SLC35F6: variants seen among roughly 807,000 people sequenced by gnomAD.
SLC35F6 encodes the protein ANT2-binding protein.
Under a neutral mutation model 29.4 loss-of-function variants are expected in SLC35F6, and 26 were observed. The ratio of observed to expected loss-of-function variants is 0.89; its 90% CI spans 0.65 to 1.23. The LOEUF (loss-of-function observed/expected upper bound fraction) is 1.23. Ranked by LOEUF, SLC35F6 falls within the 50% of genes most tolerant of loss-of-function variation. The pLI, the probability that SLC35F6 is intolerant of heterozygous loss-of-function variation, is 0.00. For synonymous variants in SLC35F6, 174 were observed against 206.6 expected, an observed-to-expected ratio of 0.84 and a Z score of 1.35; for missense variants, 428 against 487.8, an observed-to-expected ratio of 0.88 and a Z score of 1.15.
Position 26,764,970 on chromosome 2 carries a change from G to C in SLC35F6, c.77+544G>C, listed in dbSNP as rs936891639. The C allele has an allele frequency of 6.1e-6, 6 of 985,352 alleles. No homozygotes were observed. In the Admixed American group the frequency reaches 3.1e-4, roughly 50 times the overall value. The allele number at this position is 985,352 out of a possible 1,614,324, so 61.0% of individuals were successfully genotyped here. The stretch of plus-strand genomic sequence containing the variant: ...AAGTCTACGGAAAGGCCAGATCAAA[G>C]TCGATTGTAACCAGCATCAAATGCC... On this transcript the variant is annotated intron_variant, in intron 1 of 5. Transcript: ENST00000344420.
In SLC35F6 at chr2:26,778,799, T is replaced by A; in HGVS notation, c.*288T>A. On this transcript the variant is annotated 3_prime_UTR_variant, in exon 6 of 6. Transcript: ENST00000344420. ...CTAGAGCTAAATCATGAAGTTGAAT[T>A]GTAGGAATTTACCACCGTAGTGTAT... 2 of 406,434 alleles carry A rather than the reference T, an allele frequency of 4.9e-6. No homozygotes were observed. The highest frequency in any genetic ancestry group is 4.4e-6 in the Non-Finnish European group (1 of 228,386). The allele number at this position is 406,434 out of a possible 1,614,324, so 25.2% of individuals were successfully genotyped here. A position where few individuals can be genotyped will look rare whatever the true frequency, so the allele number is the denominator to read the frequency against.
intron 1 of SLC35F6, chr2:26,764,765 C>T (rs1572629610): frequency 8.1e-6 from 8 of 983,110 alleles, no homozygotes; most frequent in Non-Finnish European, 9.7e-6. Context: ...TGGGAGAGAC[C>T]CCTGGACTTG....
chr2:26,764,858 C>T (rs1664068675), intron 1 of SLC35F6: 1 of 985,200 alleles, frequency 1.0e-6, no homozygotes, highest in Admixed American at 6.2e-5. Context: ...GGGAGGTGCC[C>T]CACGGCCCCT....
intron 1 of SLC35F6, among the ~76,000 whole-genome samples, chr2:26,768,792 G>A (rs1007989787): frequency 6.6e-6 from 1 of 150,834 alleles, no homozygotes; most frequent in Non-Finnish European, 1.5e-5. Context: ...ACAGACACCC[G>A]CCACCGTGCC....
chr2:26,764,491 C>G (rs529188865), intron 1 of SLC35F6, 65 bp downstream of exon 1: 4 of 1,529,382 alleles, frequency 2.6e-6, no homozygotes, highest in African/African-American at 1.4e-5. Context: ...ACGCCTTCCC[C>G]CTTCTTGGCC....
At chr2:26,776,270 G>A (rs1396256652) in intron 4 of SLC35F6, 102 bp from the exon 5 acceptor site, 4 of 996,938 alleles carry the variant, frequency 4.0e-6, no homozygotes, top group African/African-American at 1.6e-5. Flanking sequence ...AGGGGGCCCT[G>A]CAGAGGTCAG....
At position 26,778,116 on chromosome 2, in the gene SLC35F6, A is replaced by C. The variant is rs775716080; in HGVS notation, c.721A>C (p.Asn241His). 2 of 1,614,156 alleles carry C rather than the reference A, an allele frequency of 1.2e-6. No individual in the cohort carries two copies. The highest frequency in any genetic ancestry group is 3.3e-5 in the Admixed American group (2 of 60,018). The change falls in exon 6 of 6, where the codon AAC becomes CAC. Residue 241 changes from asparagine (N) to histidine (H), a missense_variant. Transcript: ENST00000344420. ...YYIPAGSFSG[N>H]PRGTLEDALD... The stretch of plus-strand genomic sequence containing the variant: ...CATCCCCGCCGGCTCCTTCAGCGGA[A>C]ACCCTCGTGGGACACTGGAGGATGC...
chr2:26,774,931 T>C (rs1293708893), intron 2 of SLC35F6, 113 bp from the exon 3 acceptor site: 1 of 1,246,430 alleles, frequency 8.0e-7, no homozygotes, highest in Non-Finnish European at 1.1e-6. Flanking sequence ...ATTTTACATA[T>C]TGGGGTTCTG....
At chr2:26,773,256 G>A (rs969181619) in intron 1 of SLC35F6, among the ~76,000 whole-genome samples, 2 of 151,990 alleles carry the variant, frequency 1.3e-5, no homozygotes. Context: ...ATTCCAGCAC[G>A]TTGGGAGGCT....
In SLC35F6 at chr2:26,778,722, A is replaced by G. The variant is rs889563346; in HGVS notation, c.*211A>G. ...TGCAGGGTGGTGTTACCCAGCCCCC[A>G]CAAGCCTGAGTGCAGTGGCAGACCT... On this transcript the variant is annotated 3_prime_UTR_variant, in exon 6 of 6. Coordinates refer to ENST00000344420, the MANE Select transcript of SLC35F6 (RefSeq NM_017877.4). 4.0e-5 allele frequency: 23 copies of G among 570,338 alleles called. No homozygotes were observed. Among genetic ancestry groups the G allele is most frequent in the Admixed American group, 3.5e-4 (11 of 31,852 alleles). The allele number at this position is 570,338 out of a possible 1,614,324, so 35.3% of individuals were successfully genotyped here. A position where few individuals can be genotyped will look rare whatever the true frequency, so the allele number is the denominator to read the frequency against.
chr2:26,764,311 C>T lies in SLC35F6; in HGVS notation c.-39C>T, dbSNP rs1212424706. 1.3e-5 allele frequency: 20 copies of T among 1,546,534 alleles called. No individual in the cohort carries two copies. Among genetic ancestry groups the T allele is most frequent in the Non-Finnish European group, 1.7e-5 (20 of 1,145,132 alleles). Reference sequence around the variant, plus strand: ...GCAGGAGACCCCGGGTGACGGGGCCCGGCGCCGCTAACTGGAGCGAACCCC... The same window carrying T: ...GCAGGAGACCCCGGGTGACGGGGCCTGGCGCCGCTAACTGGAGCGAACCCC... On this transcript the variant is annotated 5_prime_UTR_variant, in exon 1 of 6. Transcript: ENST00000344420.
chr2:26,767,423 A>C (rs1434332012), intron 1 of SLC35F6, among the ~76,000 whole-genome samples: 1 of 152,272 alleles, frequency 6.6e-6, no homozygotes, highest in East Asian at 1.9e-4. Flanking sequence ...GGTTCTTGGG[A>C]GGATGAAAGG....
chr2:26,770,427 A>G (rs1216027497), intron 1 of SLC35F6, among the ~76,000 whole-genome samples: 1 of 151,964 alleles, frequency 6.6e-6, no homozygotes, highest in African/African-American at 2.4e-5. Context: ...CAAAAAAACA[A>G]ACGTTGTTGG....
chr2:26,771,991 G>C (rs961432638), intron 1 of SLC35F6, among the ~76,000 whole-genome samples: 1 of 152,008 alleles, frequency 6.6e-6, no homozygotes. Flanking sequence ...CTTCTAAACA[G>C]TTCTGTCCGA....
chr2:26,771,788 T>G (rs1027950237), intron 1 of SLC35F6, among the ~76,000 whole-genome samples: 1 of 151,540 alleles, frequency 6.6e-6, no homozygotes, highest in Non-Finnish European at 1.5e-5. Context: ...GGCAACATAG[T>G]GAGACCCTCT....
At position 26,768,791 on chromosome 2, in the gene SLC35F6, C is replaced by T. The variant is rs146550367; in HGVS notation, c.77+4365C>T. 6.2e-4 allele frequency among the ~76,000 whole-genome samples: 94 copies of T among 152,002 alleles called. No individual in the cohort carries two copies. In the East Asian group the frequency reaches 7.5e-3, roughly 12 times the overall value. ...CCAAGTAGATGGGACCACAGACACC[C>T]GCCACCGTGCCCACCTAATTTTTGT... is the stretch of plus-strand genomic sequence containing the variant. On this transcript the variant is annotated intron_variant, in intron 1 of 5. Coordinates refer to ENST00000344420, the MANE Select transcript of SLC35F6 (RefSeq NM_017877.4).
Position 26,780,954 on chromosome 2 carries a change from G to T in SLC35F6, c.*2443G>T, listed in dbSNP as rs1664399343. 6.6e-6 allele frequency: 1 copy of T among 152,280 alleles called. No individual in the cohort carries two copies. The highest frequency in any genetic ancestry group is 2.1e-4 in the South Asian group (1 of 4,824). 9.4% of individuals were successfully genotyped at this position (152,280 alleles called of 1,614,324 possible). ...AGCAGGTTATTACAGCTTGTGGGGG[G>T]AGGGAGGGTCCATTCCACCAGCTTT... On this transcript the variant is annotated 3_prime_UTR_variant, in exon 6 of 6. Transcript: ENST00000344420.
Position 26,778,296 on chromosome 2 carries a change from G to A in SLC35F6, c.901G>A (p.Val301Ile), listed in dbSNP as rs750451559. The change falls in exon 6 of 6, where the codon GTT (valine) becomes ATT (isoleucine). Residue 301 changes from valine (V) to isoleucine (I), a missense_variant. Physicochemically the swap from Val to Ile is conservative, Grantham distance 29. Coordinates refer to ENST00000344420, the MANE Select transcript of SLC35F6 (RefSeq NM_017877.4). ...CATGGTGTTGGACAGCTTGCGCACC[G>A]TTGTCATCTGGGCACTGAGCCTGGC... ...TRMVLDSLRT[V>I]VIWALSLALG... 22 of 1,614,080 alleles carry A rather than the reference G, an allele frequency of 1.4e-5. No homozygotes were observed. The East Asian group carries it at 2.0e-4, about 15-fold the overall frequency.
intron 1 of SLC35F6, among the ~76,000 whole-genome samples, chr2:26,765,509 G>T (rs1664081545): frequency 6.6e-6 from 1 of 152,224 alleles, no homozygotes; most frequent in Non-Finnish European, 1.5e-5. Context: ...AGGCTGGAGT[G>T]CAATGGCACG....
Sources: gnomAD v4.1 joint callset for allele counts (sites outside exome capture counted in the v4.1 genomes callset) on GRCh38, gnomAD v4.1.1 for gene constraint, MANE v1.5 for transcripts, NCBI Gene and HGNC (gene_info 2026-07-23, HGNC 2026-07-21) for gene names.